The following CARD10 variants were observed in gnomAD, a reference collection of about 807,000 sequenced individuals.
CARD10 encodes the protein caspase recruitment domain family member 10.
In CARD10, 49 loss-of-function variants were observed where a neutral mutation model predicts 114.6. The ratio of observed to expected loss-of-function variants is 0.43; its 90% CI spans 0.34 to 0.54. The LOEUF is 0.54. Among genes scored for constraint, CARD10 ranks in the 20% least tolerant of loss-of-function variants. The pLI is 0.03. For synonymous variants in CARD10, 602 were observed against 593.2 expected (o/e 1.01, Z -0.21); for missense variants, 1,206 against 1,397.2 (o/e 0.86, Z 2.18).
chr22:37,515,152 G>A (rs544004589), intron 3 of CARD10, among the ~76,000 whole-genome samples: 5 of 152,314 alleles, frequency 3.3e-5, no homozygotes, highest in Admixed American at 1.3e-4. Context: ...GCTTTGGTGA[G>A]GATTAGAAGA....
rs1334733684 is a variant in CARD10 at position 37,492,085 on chromosome 22, A to G, written c.2752-218T>C. Among the ~76,000 whole-genome samples, 1 of 151,936 alleles carries G rather than the reference A, an allele frequency of 6.6e-6. No homozygotes were observed. Among genetic ancestry groups the G allele is most frequent in the African/African-American group, 2.4e-5 (1 of 41,348 alleles). On this transcript the variant is annotated intron_variant, in intron 18 of 19. Transcript: ENST00000251973. This position sits in a 1 kb window ranked among gnomAD's most constrained non-coding sequence, Gnocchi z 5.7. Reference sequence around the variant, plus strand: ...GATACAGACCTCCCCCTCAGGACCTAGGCCTCCCCACCCGGAGGATGGAGC... The same window carrying G: ...GATACAGACCTCCCCCTCAGGACCTGGGCCTCCCCACCCGGAGGATGGAGC...
chr22:37,507,200 C>T (rs923404551), intron 6 of CARD10, among the ~76,000 whole-genome samples: 5 of 152,240 alleles, frequency 3.3e-5, no homozygotes, highest in African/African-American at 9.6e-5. Flanking sequence ...TCACTTGAAT[C>T]TGGGAGGCCT....
At position 37,501,321 on chromosome 22, in the gene CARD10, C is replaced by G. The variant is rs896407121; in HGVS notation, c.1787+1281G>C. 1.3e-5 allele frequency among the ~76,000 whole-genome samples: 2 copies of G among 152,190 alleles called. No individual in the cohort carries two copies. Among genetic ancestry groups the G allele is most frequent in the Non-Finnish European group, 2.9e-5 (2 of 68,024 alleles). On this transcript the variant is annotated intron_variant, in intron 11 of 19. Coordinates refer to ENST00000251973, the MANE Select transcript of CARD10 (RefSeq NM_014550.4). The surrounding 1 kb of genome is among the most constrained non-coding windows in gnomAD (Gnocchi z 5.4). ...CTCCCTGGCTGCATCCTGGCGCCCCCTGGACAACAGCCAGGACCCCTGCTG... is the reference window on the plus strand; with the variant it reads ...CTCCCTGGCTGCATCCTGGCGCCCCGTGGACAACAGCCAGGACCCCTGCTG...
intron 5 of CARD10, 88 bp downstream of exon 5, chr22:37,508,439 G>A (rs778193016): frequency 2.7e-5 from 37 of 1,364,098 alleles, no homozygotes; most frequent in African/African-American, 5.8e-5. Context: ...CGGCGCCTGC[G>A]TCAAGCAGAT....
chr22:37,517,018 G>A (rs964784039), intron 2 of CARD10, among the ~76,000 whole-genome samples: 4 of 152,154 alleles, frequency 2.6e-5, no homozygotes, highest in African/African-American at 9.7e-5. Flanking sequence ...CCTGGTAGGA[G>A]GTATGTTGAT....
Position 37,492,461 on chromosome 22 carries a change from G to A in CARD10, c.2725C>T (p.Arg909Trp), listed in dbSNP as rs374847054. The change falls in exon 18 of 20, where the codon CGG becomes TGG. Residue 909 changes from arginine to tryptophan, a missense_variant. Physicochemically the swap from Arg to Trp is moderately radical, Grantham distance 101 (BLOSUM62 -3). This residue lies in a region of CARD10 where 1,068 missense variants were observed against 1,179.1 expected (regional missense o/e 0.91). Transcript: ENST00000251973. The surrounding 1 kb of genome is among the most constrained non-coding windows in gnomAD (Gnocchi z 5.7). ...PATPGLGSRI[R>W]AIQESVGKKH... is the part of the protein sequence containing the mutation. ...TTCCCAACAGACTCCTGGATGGCCC[G>A]GATCCTGCTGCCTAGCCCAGGGGTG... 19 of 1,592,158 alleles carry A rather than the reference G, an allele frequency of 1.2e-5. No homozygotes were observed. The highest frequency in any genetic ancestry group is 4.5e-5 in the South Asian group (4 of 88,532).
chr22:37,497,284 C>T (rs1017631306), intron 11 of CARD10, 106 bp from the exon 12 acceptor site: 3 of 1,180,142 alleles, frequency 2.5e-6, no homozygotes, highest in Non-Finnish European at 3.6e-6. Context: ...TATGCCATGA[C>T]TCCCACCCCC....
In CARD10 at chr22:37,501,056, G is replaced by A. The variant is rs969897793; in HGVS notation, c.1787+1546C>T. Among the ~76,000 whole-genome samples, 14 of 152,202 alleles carry A rather than the reference G, an allele frequency of 9.2e-5. No homozygotes were observed. The highest frequency in any genetic ancestry group is 3.4e-3 in the Middle Eastern group (1 of 294). On this transcript the variant is annotated intron_variant, in intron 11 of 19. Transcript: ENST00000251973. The surrounding 1 kb of genome is among the most constrained non-coding windows in gnomAD (Gnocchi z 5.4). ...CCCACCTCGCCATAACACAATCCCA[G>A]GAGACACACAAGTTGCCCCGACCTG...
Position 37,492,432 on chromosome 22 carries a change from C to G in CARD10, c.2751+3G>C. ...GCACCCCAGGCCAGCCCCCAGCACC[C>G]ACCTTCCCAACAGACTCCTGGATGG... On this transcript the variant is annotated splice_donor_region_variant and intron_variant, in intron 18 of 19. Coordinates refer to ENST00000251973, the MANE Select transcript of CARD10 (RefSeq NM_014550.4). The surrounding 1 kb of genome is among the most constrained non-coding windows in gnomAD (Gnocchi z 5.7). The G allele has an allele frequency of 6.4e-7, 1 of 1,551,394 alleles. No individual in the cohort carries two copies. Among genetic ancestry groups the G allele is most frequent in the Non-Finnish European group, 8.7e-7 (1 of 1,147,658 alleles).
intron 3 of CARD10, among the ~76,000 whole-genome samples, chr22:37,512,789 C>T (rs1187664415): frequency 6.6e-6 from 1 of 152,128 alleles, no homozygotes; most frequent in East Asian, 1.9e-4. Context: ...TGGGAGTCTC[C>T]GACGAGCAAC....
chr22:37,516,683 T>C (rs572446873), intron 2 of CARD10, among the ~76,000 whole-genome samples: 2 of 152,246 alleles, frequency 1.3e-5, no homozygotes, highest in Non-Finnish European at 2.9e-5. Context: ...AAAATAAAAA[T>C]AGTTAATAAA....
chr22:37,496,309 T>A lies in CARD10; in HGVS notation c.2059+140A>T. 1.5e-6 allele frequency: 1 copy of A among 648,042 alleles called. No homozygotes were observed. 40.1% of individuals were successfully genotyped at this position (648,042 alleles called of 1,614,324 possible). A position where few individuals can be genotyped will look rare whatever the true frequency, so the allele number is the denominator to read the frequency against. ...GCACAAGGACAGACAGAAGGAGGCA[T>A]CAGCAGGCGGGGAGCCAGGAGAAGG... On this transcript the variant is annotated intron_variant, in intron 13 of 19. Transcript: ENST00000251973. The surrounding 1 kb of genome is among the most constrained non-coding windows in gnomAD (Gnocchi z 4.1).
chr22:37,497,218 A>T, intron 11 of CARD10, 40 bp from the exon 12 acceptor site: 1 of 1,583,116 alleles, frequency 6.3e-7, no homozygotes, highest in Non-Finnish European at 8.6e-7. Flanking sequence ...GAGTCCAATC[A>T]GTACTTGGAT....
At chr22:37,506,040 C>T (rs559908781) in intron 7 of CARD10, 152 bp downstream of exon 7, 9 of 552,702 alleles carry the variant, frequency 1.6e-5, no homozygotes, top group South Asian at 1.1e-4. Context: ...TTCAAGTTCC[C>T]GCCCCTAACT....
chr22:37,502,667 G>A lies in CARD10; in HGVS notation c.1722C>T (p.Ser574=), dbSNP rs760896752. The A allele has an allele frequency of 1.3e-5, 21 of 1,613,804 alleles. No individual in the cohort carries two copies. The highest frequency in any genetic ancestry group is 2.7e-5 in the African/African-American group (2 of 74,934). Residue 574 remains serine (S), a synonymous_variant, in exon 11 of 20, where the codon AGC becomes AGT. Coordinates refer to ENST00000251973, the MANE Select transcript of CARD10 (RefSeq NM_014550.4). The part of the protein sequence containing the change: ...PGLSSSSSSD[S]VWPLGKPEGL... Reference sequence around the variant, plus strand: ...CTTCCGGCTTTCCCAAAGGCCACACGCTGTCAGAGGATGAGGACGAAGAGA... The same window carrying A: ...CTTCCGGCTTTCCCAAAGGCCACACACTGTCAGAGGATGAGGACGAAGAGA...
intron 3 of CARD10, among the ~76,000 whole-genome samples, chr22:37,511,300 G>A (rs1312545257): frequency 2.1e-5 from 3 of 145,738 alleles, no homozygotes; most frequent in African/African-American, 7.7e-5. Flanking sequence ...TGAGGCTGCA[G>A]TGAACCATAA....
chr22:37,505,254 AG>A (rs1303152857), intron 7 of CARD10, among the ~76,000 whole-genome samples: 4 of 152,060 alleles, frequency 2.6e-5, no homozygotes, highest in African/African-American at 9.7e-5. Flanking sequence ...TTTACCAAAC[AG>A]CAAAAAAGCC....
At position 37,516,106 on chromosome 22, in the gene CARD10, C is replaced by G; in HGVS notation, c.566G>C (p.Arg189Pro). 1 of 1,595,496 alleles carries G rather than the reference C, an allele frequency of 6.3e-7. No individual in the cohort carries two copies. Among genetic ancestry groups the G allele is most frequent in the Non-Finnish European group, 8.5e-7 (1 of 1,171,610 alleles). ...CAGGCTGCCCGCCTCCCAGTCCTCC[C>G]GCAGCCGTTGACAGCGCTCCTGAGC... ...QQAQERCQRL[R>P]EDWEAGSLEL... is the part of the protein sequence containing the mutation. Residue 189 changes from arginine (R) to proline (P), a missense_variant, in exon 3 of 20, where the codon CGG (arginine) becomes CCG (proline). Arg to Pro is a moderately radical substitution (Grantham distance 103). This residue lies in a region of CARD10 where 1,068 missense variants were observed against 1,179.1 expected (regional missense o/e 0.91). Transcript: ENST00000251973.
rs1368545608 is a variant in CARD10, at chr22:37,495,512, C to T, written c.2373+5G>A. On this transcript the variant is annotated splice_donor_5th_base_variant and intron_variant, in intron 15 of 19. Transcript: ENST00000251973. Reference sequence around the variant, plus strand: ...CCCACCCACTACCTGCCCAGCCGTGCTCACATTACTGCGGGGGCCTCGGTG... The same window carrying T: ...CCCACCCACTACCTGCCCAGCCGTGTTCACATTACTGCGGGGGCCTCGGTG... 6.2e-7 allele frequency: 1 copy of T among 1,608,866 alleles called. No individual in the cohort carries two copies. Among genetic ancestry groups the T allele is most frequent in the African/African-American group, 1.3e-5 (1 of 74,920 alleles).
Sources: allele counts gnomAD v4.1 joint callset (sites outside exome capture counted in the v4.1 genomes callset), GRCh38; gene constraint gnomAD v4.1.1; regional missense constraint gnomAD v4.1.1; non-coding constraint Gnocchi (gnomAD v3.1); transcripts MANE v1.5; gene names NCBI Gene and HGNC (gene_info 2026-07-23, HGNC 2026-07-21).